ENPP6: variants seen among roughly 807,000 people sequenced by gnomAD.
ENPP6 encodes ectonucleotide pyrophosphatase/phosphodiesterase 6.
Under a neutral mutation model 42.0 loss-of-function variants are expected in ENPP6, and 32 were observed. The ratio of observed to expected loss-of-function variants is 0.76; its 90% confidence interval spans 0.58 to 1.02. The LOEUF (loss-of-function observed/expected upper bound fraction) is 1.02. Ranked by LOEUF, ENPP6 falls within the 50% of genes least tolerant of loss-of-function variation. ENPP6 has a pLI of 0.00. For missense variants in ENPP6, 552 were observed against 566.8 expected (o/e 0.97, Z 0.27); for synonymous variants, 213 against 216.0 (o/e 0.99, Z 0.12).
At chr4:184,096,878 G>A (rs1240587529) in intron 7 of ENPP6, among the ~76,000 whole-genome samples, 3 of 152,098 alleles carry the variant, frequency 2.0e-5, no homozygotes, top group Admixed American at 6.5e-5. Context: ...CGCATCAACA[G>A]TGAGACTCAC....
In ENPP6 at chr4:184,117,874, A is replaced by G; in HGVS notation, c.560T>C (p.Ile187Thr). The G allele has an allele frequency of 6.2e-7, 1 of 1,614,162 alleles. No homozygotes were observed. Among genetic ancestry groups the G allele is most frequent in the Non-Finnish European group, 8.5e-7 (1 of 1,180,040 alleles). Residue 187 changes from isoleucine to threonine, a missense_variant, in exon 4 of 8, where the codon ATA becomes ACA. Physicochemically the swap from Ile to Thr is moderately conservative, Grantham distance 89. Coordinates refer to ENST00000296741, the MANE Select transcript of ENPP6 (RefSeq NM_153343.4). ...TTCCACGTCAATGCGCTCATGGTAT[A>G]TGGCTGCCAGGTCGGCCCGGCCACT... ...FKSGRADLAAIYHERIDVEGH... is the reference protein window; with the variant it reads ...FKSGRADLAATYHERIDVEGH...
At chr4:184,122,818 G>T (rs1246063122) in intron 3 of ENPP6, among the ~76,000 whole-genome samples, 1 of 152,210 alleles carries the variant, frequency 6.6e-6, no homozygotes, top group Non-Finnish European at 1.5e-5. Flanking sequence ...TGGCCTGTGG[G>T]GATGGCTGGC....
chr4:184,136,853 T>C (rs1251191166), intron 2 of ENPP6, among the ~76,000 whole-genome samples: 1 of 152,230 alleles, frequency 6.6e-6, no homozygotes, highest in African/African-American at 2.4e-5. Context: ...TGGTATTTCT[T>C]GTCAGTTTGG....
chr4:184,200,338 G>C (rs946191740), intron 1 of ENPP6, among the ~76,000 whole-genome samples: 1 of 152,168 alleles, frequency 6.6e-6, no homozygotes, highest in African/African-American at 2.4e-5. Flanking sequence ...CCATCGCCGC[G>C]TTTCCTTACC....
At chr4:184,147,206 C>T (rs1179413320) in intron 2 of ENPP6, among the ~76,000 whole-genome samples, 1 of 152,186 alleles carries the variant, frequency 6.6e-6, no homozygotes, top group Non-Finnish European at 1.5e-5. Flanking sequence ...TCCCTTACTC[C>T]CAAATCCAAT....
chr4:184,165,420 G>A (rs1193063259), intron 1 of ENPP6, among the ~76,000 whole-genome samples: 2 of 152,144 alleles, frequency 1.3e-5, no homozygotes, highest in East Asian at 3.8e-4. Flanking sequence ...CTCAGCGTCC[G>A]CCCTCCCCCG....
At chr4:184,157,154 C>A (rs1239737304) in intron 1 of ENPP6, among the ~76,000 whole-genome samples, 1 of 152,214 alleles carries the variant, frequency 6.6e-6, no homozygotes, top group African/African-American at 2.4e-5. Context: ...AGCAAGAGTT[C>A]TGTTGAGTAG....
intron 2 of ENPP6, among the ~76,000 whole-genome samples, chr4:184,128,589 A>C: frequency 1.2e-5 from 1 of 84,480 alleles, no homozygotes; most frequent in East Asian, 2.9e-4. Flanking sequence ...GATATAAAAG[A>C]ATGGGCAAAA....
At chr4:184,180,399 G>T (rs1044915203) in intron 1 of ENPP6, among the ~76,000 whole-genome samples, 4 of 152,156 alleles carry the variant, frequency 2.6e-5, no homozygotes, top group African/African-American at 4.8e-5. Context: ...CCCAGGACCA[G>T]ACAGATTTAC....
chr4:184,123,553 A>G (rs532784139), intron 3 of ENPP6, among the ~76,000 whole-genome samples: 21 of 152,116 alleles, frequency 1.4e-4, no homozygotes, highest in Admixed American at 3.3e-4. Flanking sequence ...TCCCATCTTG[A>G]CTTCCACTTC....
intron 2 of ENPP6, among the ~76,000 whole-genome samples, chr4:184,131,502 C>T (rs7694244): frequency 0.68 from 100,474 of 148,362 alleles, 34,317 homozygotes; most frequent in African/African-American, 0.72. Context: ...TACAGGCACC[C>T]ATCACCATGC....
chr4:184,127,000 GA>G (rs1029946093), intron 2 of ENPP6, among the ~76,000 whole-genome samples: 21 of 152,150 alleles, frequency 1.4e-4, no homozygotes, highest in African/African-American at 4.8e-4. Context: ...ATAATTAAGA[GA>G]AAAAATAATC....
chr4:184,176,997 C>T (rs1737574298), intron 1 of ENPP6, among the ~76,000 whole-genome samples: 1 of 152,192 alleles, frequency 6.6e-6, no homozygotes, highest in South Asian at 2.1e-4. Flanking sequence ...TGGATCTGTA[C>T]AACCTACAGG....
At chr4:184,209,355 G>A (rs1733071164) in intron 1 of ENPP6, among the ~76,000 whole-genome samples, 2 of 148,370 alleles carry the variant, frequency 1.3e-5, no homozygotes, top group Admixed American at 1.3e-4. Flanking sequence ...TTAGAAGAAT[G>A]TATAACTAGA....
chr4:184,200,259 C>A (rs1284307450), intron 1 of ENPP6, among the ~76,000 whole-genome samples: 2 of 152,180 alleles, frequency 1.3e-5, no homozygotes, highest in Non-Finnish European at 2.9e-5. Flanking sequence ...CGGTGAGGAC[C>A]CCATTGACCA....
chr4:184,112,717 GAC>G lies in ENPP6; in HGVS notation c.946_947del (p.Val316LeufsTer8), dbSNP rs1423512225. The G allele has an allele frequency of 2.5e-6, 4 of 1,614,164 alleles. No homozygotes were observed. Among genetic ancestry groups the G allele is most frequent in the Non-Finnish European group, 3.4e-6 (4 of 1,180,024 alleles). ...SRFYYKKGKF[V>X]SPLTLVADEG... ...CATCAGCCACTAAAGTCAAAGGAGA[GAC>G]AAACTTTCCTTTCTTGTAATAGAAC... is the stretch of plus-strand genomic sequence containing the variant. On this transcript the variant is annotated frameshift_variant, in exon 6 of 8. Coordinates refer to ENST00000296741, the MANE Select transcript of ENPP6 (RefSeq NM_153343.4). LOFTEE classifies it high-confidence loss of function.
At chr4:184,092,698 T>C (rs1305085670) in intron 7 of ENPP6, among the ~76,000 whole-genome samples, 2 of 152,216 alleles carry the variant, frequency 1.3e-5, no homozygotes, top group Admixed American at 6.5e-5. Flanking sequence ...TACCCAATGC[T>C]ACATTAAGGT....
intron 1 of ENPP6, among the ~76,000 whole-genome samples, chr4:184,161,426 T>C (rs755954765): frequency 1.3e-5 from 2 of 152,204 alleles, no homozygotes; most frequent in Non-Finnish European, 2.9e-5. Context: ...ACTTTTACAC[T>C]GTTGGTGGGA....
chr4:184,121,012 C>A (rs1384253050), intron 3 of ENPP6, among the ~76,000 whole-genome samples: 2 of 152,164 alleles, frequency 1.3e-5, no homozygotes, highest in African/African-American at 4.8e-5. Flanking sequence ...CACTGGCTGG[C>A]TTGTGAGGTC....
Sources: allele counts gnomAD v4.1 joint callset (sites outside exome capture counted in the v4.1 genomes callset), GRCh38; gene constraint gnomAD v4.1.1; transcripts MANE v1.5; gene names NCBI Gene and HGNC (gene_info 2026-07-23, HGNC 2026-07-21).